Variants in SHISA9 observed in about 807,000 individuals in gnomAD.
SHISA9 encodes the protein protein shisa-9.
SHISA9 carries 13 observed loss-of-function variants against 38.0 expected under a neutral mutation model. The ratio of observed to expected loss-of-function variants is 0.34; its 90% CI spans 0.22 to 0.54. The LOEUF is 0.54. Ranked by LOEUF, SHISA9 falls within the 20% of genes least tolerant of loss-of-function variation. SHISA9 has a pLI of 0.91. For synonymous variants in SHISA9, 275 were observed against 242.0 expected, an observed-to-expected ratio of 1.14 and a Z score of -1.27; for missense variants, 538 against 575.8, an observed-to-expected ratio of 0.93 and a Z score of 0.67.
chr16:13,235,257 G>A lies in SHISA9; in HGVS notation c.1123G>A (p.Glu375Lys), dbSNP rs1436328307. ...TTNFKGWDPN[E>K]QSLRRQAYSN... is the part of the protein sequence containing the mutation. ...CAACTTTAAGGGCTGGGACCCCAAC[G>A]AGCAGTCCCTCCGGCGGCAGGCTTA... Residue 375 changes from glutamate to lysine, a missense_variant, in exon 5 of 5, where the codon GAG becomes AAG. Physicochemically the swap from Glu to Lys is moderately conservative, Grantham distance 56. Coordinates refer to ENST00000558583, the MANE Select transcript of SHISA9 (RefSeq NM_001145204.3). 2 of 1,551,664 alleles carry A rather than the reference G, an allele frequency of 1.3e-6. No individual in the cohort carries two copies. Among genetic ancestry groups the A allele is most frequent in the Non-Finnish European group, 1.7e-6 (2 of 1,147,018 alleles).
chr16:13,451,987 A>G, the SHISA9 span, among the ~76,000 whole-genome samples: 1 of 152,208 alleles, frequency 6.6e-6, no homozygotes, highest in Non-Finnish European at 1.5e-5. Context: ...GAAGTATGTC[A>G]GGAGATGCTG....
the SHISA9 span, among the ~76,000 whole-genome samples, chr16:13,474,713 C>T: frequency 6.6e-6 from 1 of 152,206 alleles, no homozygotes; most frequent in East Asian, 1.9e-4. Context: ...TTTAGAGCAG[C>T]TCACTGGGGA....
At chr16:13,225,015 G>C (rs148302644) in intron 4 of SHISA9, among the ~76,000 whole-genome samples, 17 of 152,158 alleles carry the variant, frequency 1.1e-4, no homozygotes, top group African/African-American at 4.1e-4. Flanking sequence ...AGGTCATTGA[G>C]TTGAGGATAT....
intron 4 of SHISA9, among the ~76,000 whole-genome samples, chr16:13,232,244 A>T (rs2051338306): frequency 6.6e-6 from 1 of 152,240 alleles, no homozygotes; most frequent in South Asian, 2.1e-4. Context: ...TTTATTGCTA[A>T]TGAATTAATT....
At chr16:12,938,878 C>G (rs1455671979) in intron 2 of SHISA9, among the ~76,000 whole-genome samples, 1 of 152,110 alleles carries the variant, frequency 6.6e-6, no homozygotes, top group Non-Finnish European at 1.5e-5. Flanking sequence ...GTAGTTTTCT[C>G]TCTAACTAGA....
At chr16:13,089,720 C>T (rs2073753354) in intron 2 of SHISA9, among the ~76,000 whole-genome samples, 1 of 152,110 alleles carries the variant, frequency 6.6e-6, no homozygotes, top group Non-Finnish European at 1.5e-5. Context: ...TGCTAGTGGT[C>T]TATCAATTTT....
chr16:13,309,046 T>A, the SHISA9 span, among the ~76,000 whole-genome samples: 1 of 152,238 alleles, frequency 6.6e-6, no homozygotes, highest in Non-Finnish European at 1.5e-5. Context: ...TTGCCTTTTT[T>A]TCCAGTATAG....
chr16:13,332,363 C>T, the SHISA9 span, among the ~76,000 whole-genome samples: 1 of 152,158 alleles, frequency 6.6e-6, no homozygotes, highest in Non-Finnish European at 1.5e-5. Flanking sequence ...TGGGTGGACC[C>T]ATCTGCCTCT....
chr16:13,142,781 T>C (rs1288252819), intron 2 of SHISA9, among the ~76,000 whole-genome samples: 1 of 152,180 alleles, frequency 6.6e-6, no homozygotes, highest in Non-Finnish European at 1.5e-5. Context: ...CCTTACCATG[T>C]TGAACACACT....
intron 2 of SHISA9, among the ~76,000 whole-genome samples, chr16:13,189,652 GA>G: frequency 6.6e-6 from 1 of 152,224 alleles, no homozygotes; most frequent in Middle Eastern, 3.2e-3. Flanking sequence ...GAACGATGTG[GA>G]AGGCATGTGT....
At chr16:13,202,381 A>G (rs1316601235) in intron 2 of SHISA9, among the ~76,000 whole-genome samples, 1 of 132,634 alleles carries the variant, frequency 7.5e-6, no homozygotes, top group Non-Finnish European at 1.6e-5. Context: ...CTTCCTGTAG[A>G]TCTCAGCTCA....
the SHISA9 span, among the ~76,000 whole-genome samples, chr16:13,347,380 C>G: frequency 6.6e-6 from 1 of 152,150 alleles, no homozygotes; most frequent in Admixed American, 6.5e-5. Context: ...AGGTAGTACT[C>G]AAACACATCT....
the SHISA9 span, among the ~76,000 whole-genome samples, chr16:13,425,805 AGTC>A: frequency 7.9e-5 from 12 of 152,302 alleles, no homozygotes; most frequent in African/African-American, 2.2e-4. Context: ...CTCATTTGAG[AGTC>A]GTTGTTATTT....
At chr16:13,158,579 C>T (rs1371912936) in intron 2 of SHISA9, among the ~76,000 whole-genome samples, 1 of 152,120 alleles carries the variant, frequency 6.6e-6, no homozygotes, top group Non-Finnish European at 1.5e-5. Flanking sequence ...GCTACCAGCT[C>T]CCAATTCAAA....
chr16:13,120,509 A>T (rs1225133704), intron 2 of SHISA9, among the ~76,000 whole-genome samples: 1 of 152,192 alleles, frequency 6.6e-6, no homozygotes, highest in African/African-American at 2.4e-5. Context: ...CTGAGAGAAC[A>T]TATTTTTTCA....
At chr16:13,215,902 A>G (rs1280734624) in intron 4 of SHISA9, among the ~76,000 whole-genome samples, 2 of 152,132 alleles carry the variant, frequency 1.3e-5, no homozygotes, top group Non-Finnish European at 2.9e-5. Flanking sequence ...AGGGAGAGAG[A>G]CAGGCTGGGT....
At chr16:13,333,198 A>G in the SHISA9 span, among the ~76,000 whole-genome samples, 2 of 152,206 alleles carry the variant, frequency 1.3e-5, no homozygotes, top group African/African-American at 4.8e-5. Context: ...CAAACACTCC[A>G]TCTTCTCTCT....
At chr16:13,350,332 G>A in the SHISA9 span, 1 of 152,258 alleles carries the variant, frequency 6.6e-6, no homozygotes. Flanking sequence ...TGGTTCTGAG[G>A]CCGTTGGAGT....
intron 2 of SHISA9, among the ~76,000 whole-genome samples, chr16:13,143,932 C>A (rs2050424608): frequency 6.6e-6 from 1 of 152,106 alleles, no homozygotes; most frequent in Admixed American, 6.6e-5. Context: ...ATTTTATCCC[C>A]CAGAAATCTG....
Sources: gnomAD v4.1 joint callset for allele counts (sites outside exome capture counted in the v4.1 genomes callset) on GRCh38, gnomAD v4.1.1 for gene constraint, MANE v1.5 for transcripts, NCBI Gene and HGNC (gene_info 2026-07-23, HGNC 2026-07-21) for gene names.